The following PRTG variants were observed in gnomAD, a reference collection of about 807,000 sequenced individuals.
PRTG encodes the protein protogenin.
PRTG carries 67 observed loss-of-function variants against 122.5 expected under a neutral mutation model. The observed-to-expected ratio is 0.55, with a 90% CI of 0.45 to 0.67. The LOEUF (loss-of-function observed/expected upper bound fraction) is 0.67. Ranked by LOEUF, PRTG falls within the 30% of genes least tolerant of loss-of-function variation. The pLI, the probability that PRTG is intolerant of heterozygous loss-of-function variation, is 0.00. For synonymous variants in PRTG, 554 were observed against 501.1 expected, an observed-to-expected ratio of 1.11 and a Z score of -1.41; for missense variants, 1,435 against 1,415.4, an observed-to-expected ratio of 1.01 and a Z score of -0.22.
chr15:55,728,535 T>C (rs1272725744), intron 2 of PRTG, among the ~76,000 whole-genome samples: 2 of 152,168 alleles, frequency 1.3e-5, no homozygotes, highest in Non-Finnish European at 2.9e-5. Flanking sequence ...AAAAAGGCAT[T>C]TGAAAAAATC....
chr15:55,620,564 G>T, intron 19 of PRTG, 99 bp downstream of exon 19: 1 of 1,458,946 alleles, frequency 6.9e-7, no homozygotes, highest in African/African-American at 1.4e-5. Flanking sequence ...GAAGAACACA[G>T]AAAATTAAAA....
At chr15:55,700,019 T>G (rs1365744250) in intron 2 of PRTG, among the ~76,000 whole-genome samples, 2 of 152,204 alleles carry the variant, frequency 1.3e-5, no homozygotes, top group Non-Finnish European at 2.9e-5. Flanking sequence ...ATTGAAGGGC[T>G]CACACTGTCT....
chr15:55,738,071 A>AATAT (rs60260369), intron 2 of PRTG: 35,161 of 105,236 alleles, frequency 0.33, 7,127 homozygotes, highest in East Asian at 0.75. Context: ...TCTTCCTGTA[A>AATAT]ATATATATAT....
chr15:55,652,092 T>A (rs1165182440), intron 11 of PRTG, among the ~76,000 whole-genome samples: 1 of 152,178 alleles, frequency 6.6e-6, no homozygotes, highest in South Asian at 2.1e-4. Flanking sequence ...AAAATGACTA[T>A]GTACAACTTT....
At chr15:55,635,517 A>C (rs1025485695) in intron 15 of PRTG, among the ~76,000 whole-genome samples, 1 of 152,360 alleles carries the variant, frequency 6.6e-6, no homozygotes, top group African/African-American at 2.4e-5. Flanking sequence ...ATTGTGAGAA[A>C]ACAAAATGGT....
intron 2 of PRTG, among the ~76,000 whole-genome samples, chr15:55,736,921 C>T (rs1270805053): frequency 6.6e-6 from 1 of 152,114 alleles, no homozygotes; most frequent in African/African-American, 2.4e-5. Flanking sequence ...GAACACAACC[C>T]GCCTCCTCCT....
intron 9 of PRTG, 146 bp downstream of exon 9, chr15:55,675,373 G>T: frequency 1.9e-6 from 1 of 518,180 alleles, no homozygotes; most frequent in Non-Finnish European, 3.3e-6. Context: ...CTGGCAAAAA[G>T]CAAGAGTGAG....
intron 2 of PRTG, among the ~76,000 whole-genome samples, chr15:55,731,707 GAACC>G (rs1177681502): frequency 1.3e-5 from 2 of 152,024 alleles, no homozygotes; most frequent in Non-Finnish European, 2.9e-5. Flanking sequence ...TGGGAGTGGG[GAACC>G]AGTATAATCA....
rs886285288 is a variant in PRTG, at chr15:55,723,033, C to T, written c.397+17349G>A. ...ATGTTTCCCCTGACAAACAAAAGCC[C>T]CTGGCCTATACCACACACTTGTGAG... is the stretch of plus-strand genomic sequence containing the variant. On this transcript the variant is annotated intron_variant, in intron 2 of 19. Transcript: ENST00000389286. Among the ~76,000 whole-genome samples, 3 of 152,228 alleles carry T rather than the reference C, an allele frequency of 2.0e-5. No individual in the cohort carries two copies. In the South Asian group the frequency reaches 6.2e-4, roughly 32 times the overall value.
chr15:55,719,695 A>G (rs1015434346), intron 2 of PRTG, among the ~76,000 whole-genome samples: 1 of 152,236 alleles, frequency 6.6e-6, no homozygotes, highest in East Asian at 1.9e-4. Context: ...AAAAATTAGA[A>G]ATATTTGGGC....
intron 11 of PRTG, among the ~76,000 whole-genome samples, chr15:55,665,725 T>C (rs951213706): frequency 6.6e-6 from 1 of 152,000 alleles, no homozygotes; most frequent in Non-Finnish European, 1.5e-5. Flanking sequence ...TTTGTATTTT[T>C]AGTAGAGACA....
At chr15:55,666,255 T>C (rs74618652) in intron 11 of PRTG, among the ~76,000 whole-genome samples, 1 of 152,180 alleles carries the variant, frequency 6.6e-6, no homozygotes, top group African/African-American at 2.4e-5. Context: ...CTCTGGGCAT[T>C]TCTTCTTCTT....
chr15:55,681,859 T>G (rs1179841337), intron 4 of PRTG, among the ~76,000 whole-genome samples: 1 of 152,192 alleles, frequency 6.6e-6, no homozygotes, highest in African/African-American at 2.4e-5. Context: ...AAGTGAAATA[T>G]AGCCAGCCCT....
intron 2 of PRTG, among the ~76,000 whole-genome samples, chr15:55,725,544 C>T (rs945346056): frequency 3.3e-5 from 5 of 151,312 alleles, no homozygotes; most frequent in Admixed American, 6.6e-5. Flanking sequence ...TGCAGTGAGC[C>T]GTGATCGTGC....
chr15:55,705,004 C>T (rs1031838135), intron 2 of PRTG, among the ~76,000 whole-genome samples: 1 of 152,156 alleles, frequency 6.6e-6, no homozygotes, highest in Non-Finnish European at 1.5e-5. Context: ...AGAGAATTAA[C>T]CTACTATATA....
intron 2 of PRTG, among the ~76,000 whole-genome samples, chr15:55,719,700 T>G (rs1426266235): frequency 1.3e-5 from 2 of 152,206 alleles, no homozygotes; most frequent in African/African-American, 4.8e-5. Flanking sequence ...TTAGAAATAT[T>G]TGGGCAATAT....
rs544944172 is a variant in PRTG at position 55,650,584 on chromosome 15, C to T, written c.2042-9376G>A. Among the ~76,000 whole-genome samples the T allele has an allele frequency of 3.3e-5, 5 of 152,194 alleles. No individual in the cohort carries two copies. The East Asian group carries it at 7.7e-4, about 23-fold the overall frequency. On this transcript the variant is annotated intron_variant, in intron 11 of 19. Coordinates refer to ENST00000389286, the MANE Select transcript of PRTG (RefSeq NM_173814.6). ...GAGGCTGGGGACAGATCACACAGAG[C>T]TTTGAGAGCCATTGTGGATTTTATT...
At chr15:55,663,209 T>C (rs2059419442) in intron 11 of PRTG, among the ~76,000 whole-genome samples, 1 of 152,192 alleles carries the variant, frequency 6.6e-6, no homozygotes, top group Admixed American at 6.5e-5. Flanking sequence ...GCAATCTAAA[T>C]GTCTAGGAGA....
At chr15:55,633,631 G>A (rs16976437) in intron 15 of PRTG, among the ~76,000 whole-genome samples, 6,265 of 151,910 alleles carry the variant, frequency 0.041, 414 homozygotes, top group African/African-American at 0.14. Context: ...TTTCTATACC[G>A]TACCTTTTCC....
Sources: allele counts gnomAD v4.1 joint callset (sites outside exome capture counted in the v4.1 genomes callset), GRCh38; gene constraint gnomAD v4.1.1; transcripts MANE v1.5; gene names NCBI Gene and HGNC (gene_info 2026-07-23, HGNC 2026-07-21).